RAB2A: variants seen among roughly 807,000 people sequenced by gnomAD.
The protein encoded by RAB2A is RAB2A, member RAS oncogene family, also known as ras-related protein Rab-2A.
In RAB2A, 7 loss-of-function variants were observed where a neutral mutation model predicts 32.5. That is an observed-to-expected ratio of 0.22 (90% CI 0.12 to 0.40). The LOEUF (loss-of-function observed/expected upper bound fraction) is 0.40. Among genes scored for constraint, RAB2A ranks in the 10% least tolerant of loss-of-function variants. RAB2A has a pLI of 1.00. For synonymous variants in RAB2A, 79 were observed against 85.2 expected (o/e 0.93, Z 0.40); for missense variants, 108 against 260.7 (o/e 0.41, Z 4.03).
chr8:60,543,993 T>A (rs1428630705), intron 1 of RAB2A, among the ~76,000 whole-genome samples: 1 of 138,548 alleles, frequency 7.2e-6, no homozygotes, highest in African/African-American at 2.8e-5. Context: ...ACTCGGTGGG[T>A]GGAGGTTGCA....
intron 5 of RAB2A, among the ~76,000 whole-genome samples, chr8:60,587,263 G>A (rs1803866599): frequency 6.6e-6 from 1 of 152,096 alleles, no homozygotes; most frequent in Non-Finnish European, 1.5e-5. Flanking sequence ...AGTTGAAGAA[G>A]GGGTAATCTT....
intron 1 of RAB2A, among the ~76,000 whole-genome samples, chr8:60,541,133 A>G (rs1214571119): frequency 1.3e-5 from 2 of 152,208 alleles, no homozygotes; most frequent in Non-Finnish European, 2.9e-5. Context: ...TTTCTCTGTC[A>G]TCTTCCTTCC....
intron 6 of RAB2A, among the ~76,000 whole-genome samples, chr8:60,608,146 G>T (rs1270159932): frequency 6.6e-6 from 1 of 151,998 alleles, no homozygotes; most frequent in African/African-American, 2.4e-5. Context: ...TTTAGAAAAA[G>T]TTTATTATAA....
intron 1 of RAB2A, among the ~76,000 whole-genome samples, chr8:60,540,221 C>G (rs1012023282): frequency 6.7e-6 from 1 of 150,274 alleles, no homozygotes; most frequent in Non-Finnish European, 1.5e-5. Flanking sequence ...ATTCCTGGTG[C>G]AGTCATACGT....
At chr8:60,613,936 C>T (rs1687371496) in intron 6 of RAB2A, among the ~76,000 whole-genome samples, 1 of 152,094 alleles carries the variant, frequency 6.6e-6, no homozygotes, top group African/African-American at 2.4e-5. Flanking sequence ...AACTAAAAGT[C>T]GCTTGTTTAC....
At chr8:60,603,397 A>G (rs1804170731) in intron 6 of RAB2A, among the ~76,000 whole-genome samples, 1 of 152,240 alleles carries the variant, frequency 6.6e-6, no homozygotes, top group African/African-American at 2.4e-5. Flanking sequence ...ACAGCATAAG[A>G]TAACAACAGC....
intron 6 of RAB2A, among the ~76,000 whole-genome samples, chr8:60,605,162 G>A (rs1055357197): frequency 3.9e-5 from 6 of 152,156 alleles, no homozygotes; most frequent in Non-Finnish European, 8.8e-5. Context: ...GGAAGAGCTC[G>A]GGACACTGTT....
At chr8:60,598,879 A>G (rs1804076751) in intron 6 of RAB2A, among the ~76,000 whole-genome samples, 1 of 140,254 alleles carries the variant, frequency 7.1e-6, no homozygotes, top group African/African-American at 2.6e-5. Flanking sequence ...CAAAGCAGTA[A>G]TGTCTCTTCT....
chr8:60,555,018 C>T (rs1807913743), intron 1 of RAB2A, among the ~76,000 whole-genome samples: 1 of 152,120 alleles, frequency 6.6e-6, no homozygotes, highest in East Asian at 1.9e-4. Context: ...ATTAAGACAT[C>T]AAGGAGATAA....
chr8:60,532,080 C>T (rs1458641002), intron 1 of RAB2A, among the ~76,000 whole-genome samples: 1 of 152,200 alleles, frequency 6.6e-6, no homozygotes, highest in Non-Finnish European at 1.5e-5. Flanking sequence ...GCTGGGATTA[C>T]AGGCATGAGC....
chr8:60,558,674 C>T, intron 1 of RAB2A, 178 bp from the exon 2 acceptor site: 4 of 644,880 alleles, frequency 6.2e-6, no homozygotes, highest in Non-Finnish European at 8.3e-6. Flanking sequence ...GATTGGTTTA[C>T]AGCTTCCACC....
chr8:60,554,247 G>A (rs1420456197), intron 1 of RAB2A, among the ~76,000 whole-genome samples: 1 of 152,228 alleles, frequency 6.6e-6, no homozygotes, highest in Non-Finnish European at 1.5e-5. Flanking sequence ...CAGAACTAGA[G>A]CACTGATGAT....
chr8:60,577,717 G>A lies in RAB2A; in HGVS notation c.186+5604G>A, dbSNP rs374779360. ...CGGCTCACTGCAAGCTTCGCCTGCCGGGTTCACGCCACTTTCTCCTGCCTC... is the reference window on the plus strand; with the variant it reads ...CGGCTCACTGCAAGCTTCGCCTGCCAGGTTCACGCCACTTTCTCCTGCCTC... On this transcript the variant is annotated intron_variant, in intron 3 of 7. Transcript: ENST00000262646. 2.3e-3 allele frequency among the ~76,000 whole-genome samples: 347 copies of A among 151,792 alleles called. 3 individuals carry two copies. Among genetic ancestry groups the A allele is most frequent in the African/African-American group, 8.1e-3 (337 of 41,386 alleles).
chr8:60,518,024 T>G (rs931295285), intron 1 of RAB2A, among the ~76,000 whole-genome samples: 2 of 148,264 alleles, frequency 1.3e-5, no homozygotes, highest in African/African-American at 4.9e-5. Flanking sequence ...ACGCTGATGT[T>G]TTAGATATGT....
At chr8:60,566,210 G>A (rs11988169) in intron 2 of RAB2A, among the ~76,000 whole-genome samples, 12,458 of 152,184 alleles carry the variant, frequency 0.082, 1,551 homozygotes, top group African/African-American at 0.27. Flanking sequence ...ACACAAAGCT[G>A]TTCTAATTTG....
intron 6 of RAB2A, among the ~76,000 whole-genome samples, chr8:60,605,372 A>G (rs1484783653): frequency 6.6e-6 from 1 of 152,180 alleles, no homozygotes. Flanking sequence ...CAGAGGGAAA[A>G]TGTAGGCTTG....
intron 6 of RAB2A, among the ~76,000 whole-genome samples, chr8:60,595,048 T>C (rs1391777068): frequency 6.6e-6 from 1 of 152,128 alleles, no homozygotes; most frequent in East Asian, 1.9e-4. Flanking sequence ...AATCAAGACA[T>C]TCTTAGAGAA....
chr8:60,569,272 T>C (rs1808161079), intron 2 of RAB2A, among the ~76,000 whole-genome samples: 1 of 152,180 alleles, frequency 6.6e-6, no homozygotes, highest in South Asian at 2.1e-4. Flanking sequence ...GCCTTTTAAC[T>C]GGTCTCTTTG....
chr8:60,555,911 TG>T (rs1344335579), intron 1 of RAB2A, among the ~76,000 whole-genome samples: 1 of 152,178 alleles, frequency 6.6e-6, no homozygotes, highest in African/African-American at 2.4e-5. Context: ...TGCACTCCCA[TG>T]TTTGTTGCAG....
Sources: allele counts gnomAD v4.1 joint callset (sites outside exome capture counted in the v4.1 genomes callset), GRCh38; gene constraint gnomAD v4.1.1; transcripts MANE v1.5; gene names NCBI Gene and HGNC (gene_info 2026-07-23, HGNC 2026-07-21).